ROBO2: variants seen among roughly 807,000 people sequenced by gnomAD.
The protein encoded by ROBO2 is roundabout homolog 2.
A neutral mutation model predicts 160.8 loss-of-function variants in ROBO2; 53 were observed. The observed-to-expected ratio is 0.33, with a 90% CI of 0.26 to 0.41. The LOEUF is 0.41. ROBO2 is among the 10% of genes least tolerant of loss of function. The pLI is 1.00. For synonymous variants in ROBO2, 664 were observed against 611.7 expected, an observed-to-expected ratio of 1.09 and a Z score of -1.26; for missense variants, 1,577 against 1,722.4, an observed-to-expected ratio of 0.92 and a Z score of 1.49.
chr3:77,574,611 G>A (rs1421669057), exon 14 of ROBO2: 2 of 1,613,260 alleles, frequency 1.2e-6, no homozygotes, highest in Non-Finnish European at 1.7e-6. Context: ...CCGACTGAAC[G>A]AAGTGCTGTC....
At chr3:76,580,328 G>GTTTTTTTTT (rs748888426) in intron 2 of ROBO2, among the ~76,000 whole-genome samples, 3 of 67,256 alleles carry the variant, frequency 4.5e-5, no homozygotes, top group Non-Finnish European at 8.1e-5. Flanking sequence ...TTTTTTTTTT[G>GTTTTTTTTT]TTTTTTTTTT....
At chr3:76,671,975 CTA>C (rs2092278107) in intron 2 of ROBO2, among the ~76,000 whole-genome samples, 1 of 151,946 alleles carries the variant, frequency 6.6e-6, no homozygotes, top group Admixed American at 6.6e-5. Context: ...AGTGAATAAA[CTA>C]TGGTTTCTGC....
intron 2 of ROBO2, among the ~76,000 whole-genome samples, chr3:76,852,040 T>C (rs1318605600): frequency 6.6e-6 from 1 of 152,022 alleles, no homozygotes; most frequent in Non-Finnish European, 1.5e-5. Context: ...CAGGATCCCT[T>C]AAAAAGAAAA....
rs140964196 is a variant in ROBO2 at position 76,996,695 on chromosome 3, C to A, written c.110-101319C>A. Among the ~76,000 whole-genome samples, 755 of 152,270 alleles carry A rather than the reference C, an allele frequency of 5.0e-3. 9 individuals are homozygous for A. Among genetic ancestry groups the A allele is most frequent in the African/African-American group, 0.017 (718 of 41,560 alleles). On this transcript the variant is annotated intron_variant, in intron 2 of 26. Transcript: ENST00000487694. ...AACTTCTTTTAATGTCCAGTACATTCTTACCAAGTCGAGTACATTCTTACC... is the reference window on the plus strand; with the variant it reads ...AACTTCTTTTAATGTCCAGTACATTATTACCAAGTCGAGTACATTCTTACC...
chr3:76,144,486 A>T (rs2106788853), intron 2 of ROBO2, among the ~76,000 whole-genome samples: 1 of 152,170 alleles, frequency 6.6e-6, no homozygotes, highest in African/African-American at 2.4e-5. Flanking sequence ...TCAATTAGTT[A>T]TATAAAAAGA....
intron 2 of ROBO2, among the ~76,000 whole-genome samples, chr3:76,132,094 G>GCAGGA (rs1165219065): frequency 6.6e-6 from 1 of 152,118 alleles, no homozygotes; most frequent in Admixed American, 6.5e-5. Context: ...AGGAGTCAGT[G>GCAGGA]TATGGTCATA....
In ROBO2 at chr3:75,996,754, A is replaced by T. The variant is rs4855968; in HGVS notation, c.109+59152A>T. ...ATATGTAAATCATCAATTCTGATAT[A>T]TGTAAATCATCAATTCTGATATATG... On this transcript the variant is annotated intron_variant, in intron 2 of 26. Transcript: ENST00000487694. Among the ~76,000 whole-genome samples, 286 of 81,820 alleles carry T rather than the reference A, an allele frequency of 3.5e-3. 8 individuals carry two copies. Among genetic ancestry groups the T allele is most frequent in the East Asian group, 4.6e-3 (10 of 2,176 alleles). The allele number at this position is 81,820 out of a possible 152,430, so 53.7% of individuals were successfully genotyped here. A position where few individuals can be genotyped will look rare whatever the true frequency, so the allele number is the denominator to read the frequency against.
intron 2 of ROBO2, among the ~76,000 whole-genome samples, chr3:76,801,215 T>A: frequency 6.6e-6 from 1 of 152,068 alleles, no homozygotes; most frequent in East Asian, 1.9e-4. Context: ...ACAATTGAAC[T>A]CATGCAGATA....
intron 2 of ROBO2, among the ~76,000 whole-genome samples, chr3:76,548,378 C>T (rs196530): frequency 0.67 from 102,447 of 151,862 alleles, 34,956 homozygotes; most frequent in African/African-American, 0.77. Context: ...TAGTATAAAA[C>T]ATGAGGCTTG....
chr3:76,873,205 C>T (rs1045048157), intron 2 of ROBO2, among the ~76,000 whole-genome samples: 4 of 152,204 alleles, frequency 2.6e-5, no homozygotes, highest in African/African-American at 9.6e-5. Flanking sequence ...TAAGCCTCTT[C>T]TAAGGCAAAG....
At chr3:77,617,688 C>G (rs1246679389) in exon 22 of ROBO2, 4 of 1,614,052 alleles carry the variant, frequency 2.5e-6, no homozygotes, top group South Asian at 1.1e-5. Context: ...TACTCCATCC[C>G]CACGGGAAGA....
At chr3:76,425,441 T>C (rs2076173733) in intron 2 of ROBO2, among the ~76,000 whole-genome samples, 1 of 152,054 alleles carries the variant, frequency 6.6e-6, no homozygotes, top group African/African-American at 2.4e-5. Flanking sequence ...TAATTACTTC[T>C]TCAATGTCTG....
chr3:77,278,618 C>G (rs933774597), intron 2 of ROBO2, among the ~76,000 whole-genome samples: 1 of 152,036 alleles, frequency 6.6e-6, no homozygotes, highest in African/African-American at 2.4e-5. Context: ...CCTATAGATA[C>G]TTTTGTTATT....
rs926332170 is a variant in ROBO2, at chr3:76,488,594, T to C, written c.109+550992T>C. Among the ~76,000 whole-genome samples the C allele has an allele frequency of 9.2e-5, 14 of 152,166 alleles. 1 individual carries two copies. Among genetic ancestry groups the C allele is most frequent in the Admixed American group, 9.2e-4 (14 of 15,264 alleles). ...TCTAGACCCAGATTTAAAGGGCTCA[T>C]GTGATAAGGTCCATCCTATCTAAAT... On this transcript the variant is annotated intron_variant, in intron 2 of 26. Coordinates refer to the ROBO2 transcript ENST00000487694.
intron 2 of ROBO2, among the ~76,000 whole-genome samples, chr3:76,295,883 C>T (rs372401265): frequency 1.6e-4 from 24 of 152,046 alleles, no homozygotes; most frequent in Non-Finnish European, 2.5e-4. Flanking sequence ...TTTTCATCAC[C>T]GGATTGAGAT....
At chr3:76,354,947 G>A (rs1576621249) in intron 2 of ROBO2, among the ~76,000 whole-genome samples, 1 of 151,724 alleles carries the variant, frequency 6.6e-6, no homozygotes, top group Non-Finnish European at 1.5e-5. Flanking sequence ...TCACAGAACT[G>A]TTAGGACCCA....
intron 2 of ROBO2, among the ~76,000 whole-genome samples, chr3:76,249,211 A>G (rs988243727): frequency 2.0e-4 from 30 of 152,242 alleles, no homozygotes; most frequent in African/African-American, 6.7e-4. Flanking sequence ...AACTTAGTGT[A>G]GTAAGAAAGA....
chr3:75,930,934 A>G (rs1947504780), intron 1 of ROBO2, among the ~76,000 whole-genome samples: 1 of 152,076 alleles, frequency 6.6e-6, no homozygotes, highest in Non-Finnish European at 1.5e-5. Flanking sequence ...TTAATCTCCT[A>G]CACTTTGTTA....
At chr3:76,298,197 C>A (rs996898850) in intron 2 of ROBO2, among the ~76,000 whole-genome samples, 3 of 152,052 alleles carry the variant, frequency 2.0e-5, no homozygotes, top group African/African-American at 7.2e-5. Flanking sequence ...CTATTCTGTG[C>A]AAATACATGT....
Sources: gnomAD v4.1 joint callset for allele counts (sites outside exome capture counted in the v4.1 genomes callset) on GRCh38, gnomAD v4.1.1 for gene constraint, MANE v1.5 for transcripts, NCBI Gene and HGNC (gene_info 2026-07-23, HGNC 2026-07-21) for gene names.